SMYD3: variants seen among roughly 807,000 people sequenced by gnomAD.
SMYD3 encodes SET and MYND domain containing 3, also known as histone-lysine N-methyltransferase SMYD3.
In SMYD3, 36 loss-of-function variants were observed where a neutral mutation model predicts 57.7. The observed-to-expected ratio is 0.62, with a 90% CI of 0.48 to 0.82. SMYD3 has a LOEUF of 0.82. Among genes scored for constraint, SMYD3 ranks in the 40% least tolerant of loss-of-function variants. SMYD3 has a pLI of 0.00. For missense variants in SMYD3, 515 were observed against 538.8 expected (o/e 0.96, Z 0.44); for synonymous variants, 211 against 195.0 (o/e 1.08, Z -0.68).
At chr1:246,106,844 C>T (rs1296313082) in intron 5 of SMYD3, among the ~76,000 whole-genome samples, 2 of 152,230 alleles carry the variant, frequency 1.3e-5, no homozygotes, top group South Asian at 4.1e-4. Flanking sequence ...GTAAAACAAC[C>T]TCTGATATGA....
intron 5 of SMYD3, among the ~76,000 whole-genome samples, chr1:246,278,757 C>G (rs964082675): frequency 3.3e-5 from 5 of 152,146 alleles, no homozygotes; most frequent in Non-Finnish European, 7.3e-5. Flanking sequence ...ACCTGACCCA[C>G]AGAAACCATA....
chr1:246,080,353 C>CGG (rs1397841741), intron 5 of SMYD3, among the ~76,000 whole-genome samples: 1 of 132,272 alleles, frequency 7.6e-6, no homozygotes, highest in African/African-American at 3.0e-5. Flanking sequence ...CTCATGAGGG[C>CGG]GTGAACCCTA....
At chr1:245,967,943 A>C (rs999862905) in intron 5 of SMYD3, among the ~76,000 whole-genome samples, 7 of 152,088 alleles carry the variant, frequency 4.6e-5, no homozygotes, top group African/African-American at 1.7e-4. Context: ...TTGAGCATCC[A>C]CTTTGTGGCT....
At chr1:245,915,991 A>G (rs1459897445) in intron 7 of SMYD3, among the ~76,000 whole-genome samples, 1 of 152,224 alleles carries the variant, frequency 6.6e-6, no homozygotes, top group Non-Finnish European at 1.5e-5. Context: ...AACCATTAGC[A>G]ATCAGAGAAG....
chr1:245,828,151 CCTT>C (rs1271607027), intron 10 of SMYD3, among the ~76,000 whole-genome samples: 2 of 152,198 alleles, frequency 1.3e-5, no homozygotes, highest in African/African-American at 4.8e-5. Context: ...GACACTCTGT[CCTT>C]CTCCCTCTGT....
intron 5 of SMYD3, among the ~76,000 whole-genome samples, chr1:246,038,170 T>A (rs2059809709): frequency 6.6e-6 from 1 of 152,246 alleles, no homozygotes; most frequent in Non-Finnish European, 1.5e-5. Context: ...TTTAGTTTTT[T>A]ACTTGTCTTA....
In SMYD3 at chr1:246,351,391, C is replaced by T. The variant is rs2065820803; in HGVS notation, c.228+3640G>A. On this transcript the variant is annotated intron_variant, in intron 2 of 11. Transcript: ENST00000490107. ...GAAATTGACTTACTTGCTATCACCACTGCTGCCATTTTTTGTTTTGAAAAT... is the reference window on the plus strand; with the variant it reads ...GAAATTGACTTACTTGCTATCACCATTGCTGCCATTTTTTGTTTTGAAAAT... Among the ~76,000 whole-genome samples, 2 of 152,208 alleles carry T rather than the reference C, an allele frequency of 1.3e-5. 1 individual carries two copies. Among genetic ancestry groups the T allele is most frequent in the South Asian group, 4.1e-4 (2 of 4,830 alleles).
intron 5 of SMYD3, among the ~76,000 whole-genome samples, chr1:246,015,013 T>C (rs1265516708): frequency 6.6e-6 from 1 of 152,138 alleles, no homozygotes; most frequent in Non-Finnish European, 1.5e-5. Context: ...CAGACTCCTA[T>C]CTGCTTTGCG....
At chr1:245,863,692 G>T in intron 9 of SMYD3, 107 bp downstream of exon 9, 1 of 912,118 alleles carries the variant, frequency 1.1e-6, no homozygotes, top group Non-Finnish European at 1.7e-6. Context: ...GAAAACCACT[G>T]GCTCATGGAG....
rs79490512 is a variant in SMYD3, at chr1:245,904,464, T to C, written c.813+11066A>G. On this transcript the variant is annotated intron_variant, in intron 8 of 11. Coordinates refer to ENST00000490107, the MANE Select transcript of SMYD3 (RefSeq NM_001167740.2). ...GAAGAATACAGCAATTGTGAGGCAC[T>C]GAACTCAGTGCTGTCCTGTTAGAGG... Among the ~76,000 whole-genome samples, 29 of 152,298 alleles carry C rather than the reference T, an allele frequency of 1.9e-4. No individual in the cohort carries two copies. The East Asian group carries it at 5.2e-3, about 27-fold the overall frequency.
At chr1:245,806,826 C>A (rs1038194369) in intron 10 of SMYD3, among the ~76,000 whole-genome samples, 1 of 138,432 alleles carries the variant, frequency 7.2e-6, no homozygotes, top group South Asian at 2.4e-4. Flanking sequence ...AGGAGAATGG[C>A]GTGAACCCGG....
chr1:246,233,487 A>G (rs12748795), intron 5 of SMYD3, among the ~76,000 whole-genome samples: 1 of 124,202 alleles, frequency 8.1e-6, no homozygotes, highest in Non-Finnish European at 1.7e-5. Context: ...GAGGAGAAGC[A>G]CTCCTCAATT....
chr1:245,843,764 C>A (rs1241670544), intron 10 of SMYD3, among the ~76,000 whole-genome samples: 1 of 152,138 alleles, frequency 6.6e-6, no homozygotes. Context: ...TAACTCATGA[C>A]AAGAGAGGCA....
rs1572226331 is a variant in SMYD3 at position 246,216,966 on chromosome 1, G to A, written c.531+110235C>T. On this transcript the variant is annotated intron_variant, in intron 5 of 11. Coordinates refer to ENST00000490107, the MANE Select transcript of SMYD3 (RefSeq NM_001167740.2). ...CCTGAACAGACCTAGGATTTTCCAA[G>A]GACTATATGCTGTGAGTTAGAATCA... Among the ~76,000 whole-genome samples, 3 of 151,988 alleles carry A rather than the reference G, an allele frequency of 2.0e-5. No homozygotes were observed. In the East Asian group the frequency reaches 5.8e-4, roughly 29 times the overall value.
At chr1:246,100,550 G>T (rs115434927) in intron 5 of SMYD3, among the ~76,000 whole-genome samples, 2,217 of 152,272 alleles carry the variant, frequency 0.015, 56 homozygotes, top group African/African-American at 0.051. Flanking sequence ...CTGACGCTCA[G>T]GACTGGACAA....
At chr1:246,392,044 A>T (rs2066581065) in intron 1 of SMYD3, among the ~76,000 whole-genome samples, 1 of 152,200 alleles carries the variant, frequency 6.6e-6, no homozygotes, top group Non-Finnish European at 1.5e-5. Flanking sequence ...GCTTGCAAAT[A>T]CCTACAATAA....
intron 5 of SMYD3, among the ~76,000 whole-genome samples, chr1:245,945,505 T>G (rs2057402049): frequency 6.6e-6 from 1 of 152,176 alleles, no homozygotes; most frequent in Non-Finnish European, 1.5e-5. Context: ...TAGGGATGCT[T>G]TTACATGGTT....
rs371529747 is a variant in SMYD3, at chr1:246,032,566, G to A, written c.532-102629C>T. ...AGCAACAACCTCTCACCAAAGATGG[G>A]ATCATAAAGCTCCATTCCCTCGCAT... is the stretch of plus-strand genomic sequence containing the variant. On this transcript the variant is annotated intron_variant, in intron 5 of 11. Coordinates refer to ENST00000490107, the MANE Select transcript of SMYD3 (RefSeq NM_001167740.2). 5.3e-5 allele frequency among the ~76,000 whole-genome samples: 8 copies of A among 152,248 alleles called. No homozygotes were observed. In the East Asian group the frequency reaches 1.4e-3, roughly 26 times the overall value.
chr1:245,763,833 T>G (rs1359929304), intron 11 of SMYD3, among the ~76,000 whole-genome samples: 1 of 152,192 alleles, frequency 6.6e-6, no homozygotes, highest in East Asian at 1.9e-4. Context: ...AAATCAGCCA[T>G]GGTGGGCATG....
Sources: gnomAD v4.1 joint callset for allele counts (sites outside exome capture counted in the v4.1 genomes callset) on GRCh38, gnomAD v4.1.1 for gene constraint, MANE v1.5 for transcripts, NCBI Gene and HGNC (gene_info 2026-07-23, HGNC 2026-07-21) for gene names.